The following PARP14 variants were observed in gnomAD, a reference collection of about 807,000 sequenced individuals.
PARP14 encodes poly(ADP-ribose) polymerase family member 14, also known as protein mono-ADP-ribosyltransferase PARP14.
PARP14 carries 59 observed loss-of-function variants against 154.2 expected under a neutral mutation model. The ratio of observed to expected loss-of-function variants is 0.38; its 90% CI spans 0.31 to 0.48. PARP14 has a LOEUF of 0.48. Among genes scored for constraint, PARP14 ranks in the 20% least tolerant of loss-of-function variants. The pLI is 0.98. For missense variants in PARP14, 1,734 were observed against 2,131.6 expected, an observed-to-expected ratio of 0.81 and a Z score of 3.67; for synonymous variants, 720 against 780.5, an observed-to-expected ratio of 0.92 and a Z score of 1.29.
Position 122,699,737 on chromosome 3 carries a change from A to G in PARP14, c.1183A>G (p.Arg395Gly). ...ADTSTTLSSI[R>G]SKYKVNPIKV... ...TACTTCCACAACACTCTCTAGCATC[A>G]GGTCTAAATATAAAGTCAACCCAAT... is the stretch of plus-strand genomic sequence containing the variant. Residue 395 changes from arginine to glycine, a missense_variant, in exon 6 of 17, where the codon AGG becomes GGG. This residue lies in a region of PARP14 where 1,646 missense variants were observed against 1,976.0 expected (regional missense o/e 0.83). Coordinates refer to ENST00000474629, the MANE Select transcript of PARP14 (RefSeq NM_017554.3). The G allele has an allele frequency of 6.2e-7, 1 of 1,613,956 alleles. No homozygotes were observed. The highest frequency in any genetic ancestry group is 8.5e-7 in the Non-Finnish European group (1 of 1,179,818).
chr3:122,728,080 T>A, intron 16 of PARP14, 94 bp downstream of exon 16: 2 of 1,168,960 alleles, frequency 1.7e-6, no homozygotes, highest in Non-Finnish European at 2.4e-6. Context: ...TGGTCCCCCA[T>A]CATTGGTGGC....
In PARP14 at chr3:122,687,115, T is replaced by TA; in HGVS notation, c.355+6dup. 6.3e-7 allele frequency: 1 copy of TA among 1,594,046 alleles called. No homozygotes were observed. Among genetic ancestry groups the TA allele is most frequent in the South Asian group, 1.1e-5 (1 of 88,302 alleles). ...CCAAAGAAGATGTTAAAGAACCAGGTAAAATCTCAGTTGAGATGACTCTGA... is the reference window on the plus strand; with the variant it reads ...CCAAAGAAGATGTTAAAGAACCAGGTAAAAATCTCAGTTGAGATGACTCTGA... On this transcript the variant is annotated splice_region_variant and intron_variant, in intron 3 of 16. Transcript: ENST00000474629.
In PARP14 at chr3:122,695,640, G is replaced by T; in HGVS notation, c.813G>T (p.Leu271=). 6.3e-7 allele frequency: 1 copy of T among 1,584,154 alleles called. No individual in the cohort carries two copies. Among genetic ancestry groups the T allele is most frequent in the South Asian group, 1.1e-5 (1 of 89,738 alleles). ...ATTTTCCTGAAGAGAGTTCAGCTCT[G>T]ATTGAATTTTTTGACAGAAAAGGTA... The part of the protein sequence containing the change: ...VEYFPEESSA[L]IEFFDRKVLD... Residue 271 remains leucine (L), a synonymous_variant, in exon 5 of 17, where the codon CTG becomes CTT. Transcript: ENST00000474629.
chr3:122,682,870 G>A (rs998601238), intron 1 of PARP14, among the ~76,000 whole-genome samples: 1 of 152,048 alleles, frequency 6.6e-6, no homozygotes, highest in Non-Finnish European at 1.5e-5. Context: ...TGAGCAACAT[G>A]GTGAAACCCT....
At chr3:122,690,308 C>T (rs1389699961) in intron 3 of PARP14, among the ~76,000 whole-genome samples, 2 of 152,170 alleles carry the variant, frequency 1.3e-5, no homozygotes, top group Admixed American at 6.5e-5. Context: ...CACATATAGC[C>T]TCCTCCCTAG....
intron 14 of PARP14, 50 bp downstream of exon 14, chr3:122,719,008 G>T (rs1298826461): frequency 1.4e-6 from 2 of 1,464,066 alleles, no homozygotes; most frequent in Non-Finnish European, 1.8e-6. Context: ...TCTACTTTGG[G>T]CATAACACTA....
chr3:122,720,191 G>A (rs573870281), intron 14 of PARP14, 64 bp from the exon 15 acceptor site: 1 of 1,497,900 alleles, frequency 6.7e-7, no homozygotes, highest in East Asian at 2.3e-5. Context: ...CAAGAACACA[G>A]ATACTAAATG....
In PARP14 at chr3:122,704,607, A is replaced by T. The variant is rs746112595; in HGVS notation, c.3399A>T (p.Gly1133=). 5 of 1,607,202 alleles carry T rather than the reference A, an allele frequency of 3.1e-6. No individual in the cohort carries two copies. Among genetic ancestry groups the T allele is most frequent in the Non-Finnish European group, 4.3e-6 (5 of 1,175,922 alleles). The change falls in exon 8 of 17, where the codon GGA becomes GGT. Residue 1133 remains glycine, a synonymous_variant. Coordinates refer to ENST00000474629, the MANE Select transcript of PARP14 (RefSeq NM_017554.3). Reference sequence around the variant, plus strand: ...AATCAATTGCATTTCCAGCAATAGGAACAGGAAACTTGGGATTTCCTAAAA... The same window carrying T: ...AATCAATTGCATTTCCAGCAATAGGTACAGGAAACTTGGGATTTCCTAAAA... ...SLKSIAFPAI[G]TGNLGFPKNI... is the part of the protein sequence containing the mutation.
At chr3:122,682,293 T>G (rs1172545260) in intron 1 of PARP14, among the ~76,000 whole-genome samples, 1 of 152,208 alleles carries the variant, frequency 6.6e-6, no homozygotes, top group East Asian at 1.9e-4. Flanking sequence ...GATCTGGCCC[T>G]TAAGGATGCT....
Position 122,730,028 on chromosome 3 carries a change from T to C in PARP14, c.*1431T>C, listed in dbSNP as rs941396468. ...AAACACCATCTATTGAGCACCTACA[T>C]TGTGTGCCAGGTAGTAAAATAGGTG... is the stretch of plus-strand genomic sequence containing the variant. On this transcript the variant is annotated 3_prime_UTR_variant, in exon 17 of 17. Coordinates refer to ENST00000474629, the MANE Select transcript of PARP14 (RefSeq NM_017554.3). The C allele has an allele frequency of 2.0e-5, 3 of 152,194 alleles. No homozygotes were observed. The highest frequency in any genetic ancestry group is 1.9e-4 in the East Asian group (1 of 5,200). 9.4% of individuals were successfully genotyped at this position (152,194 alleles called of 1,614,324 possible). A position where few individuals can be genotyped will look rare whatever the true frequency, so the allele number is the denominator to read the frequency against.
intron 9 of PARP14, among the ~76,000 whole-genome samples, chr3:122,711,411 C>A (rs1336432309): frequency 1.3e-5 from 2 of 152,098 alleles, no homozygotes; most frequent in Non-Finnish European, 2.9e-5. Flanking sequence ...ATATGTTAAA[C>A]CATCCCTGCA....
rs771894150 is a variant in PARP14 at position 122,700,329 on chromosome 3, T to C, written c.1775T>C (p.Met592Thr). ...GCCCTGTTAGAAGCAGAAAAGCAAA[T>C]GCTCAGTGCCTTAAATTATAAGCGC... ...SEALLEAEKQ[M>T]LSALNYKRIE... The change falls in exon 6 of 17, where the codon ATG becomes ACG. Residue 592 changes from methionine (M) to threonine (T), a missense_variant. Around this residue, in one of 2 missense-constraint regions of PARP14, gnomAD observed 1,646 missense variants for 1,976.0 expected, o/e 0.83. Coordinates refer to ENST00000474629, the MANE Select transcript of PARP14 (RefSeq NM_017554.3). 30 of 1,613,618 alleles carry C rather than the reference T, an allele frequency of 1.9e-5. No individual in the cohort carries two copies. Among genetic ancestry groups the C allele is most frequent in the Non-Finnish European group, 2.5e-5 (29 of 1,179,754 alleles).
At position 122,704,562 on chromosome 3, in the gene PARP14, C is replaced by T; in HGVS notation, c.3354C>T (p.Ile1118=). Residue 1118 remains isoleucine, a synonymous_variant, in exon 8 of 17, where the codon ATC becomes ATT. Transcript: ENST00000474629. ...ACATAATCAGAGAATGTATGGAGAT[C>T]ACTGAGAGCTTGTCCTTAAAATCAA... ...MEDIIRECME[I]TESLSLKSIA... is the part of the protein sequence containing the mutation. 1 of 1,606,918 alleles carries T rather than the reference C, an allele frequency of 6.2e-7. No individual in the cohort carries two copies. The highest frequency in any genetic ancestry group is 1.1e-5 in the South Asian group (1 of 89,524).
rs1242815179 is a variant in PARP14, at chr3:122,687,606, G to A, written c.355+493G>A. Among the ~76,000 whole-genome samples the A allele has an allele frequency of 3.9e-5, 6 of 152,304 alleles. No individual in the cohort carries two copies. In the East Asian group the frequency reaches 9.7e-4, roughly 25 times the overall value. ...TGCAGGATTGGATTGGAGGATTGCAGTCCTCCCAAAGACAGCAGCTCTTCT... is the reference window on the plus strand; with the variant it reads ...TGCAGGATTGGATTGGAGGATTGCAATCCTCCCAAAGACAGCAGCTCTTCT... On this transcript the variant is annotated intron_variant, in intron 3 of 16. Transcript: ENST00000474629.
In PARP14 at chr3:122,728,599, A is replaced by C. The variant is rs747855716; in HGVS notation, c.*2A>C. 201 of 1,602,592 alleles carry C rather than the reference A, an allele frequency of 1.3e-4. No individual in the cohort carries two copies. The South Asian group carries it at 2.0e-3, about 16-fold the overall frequency. On this transcript the variant is annotated 3_prime_UTR_variant, in exon 17 of 17. Transcript: ENST00000474629. The stretch of plus-strand genomic sequence containing the variant: ...TACCTTATTACGTTTAGAAAATAAC[A>C]CTTTGGTATCCTTCCCACAAAATTA...
In PARP14 at chr3:122,700,872, T is replaced by C. The variant is rs770097343; in HGVS notation, c.2318T>C (p.Ile773Thr). ...SEIKRLFGCY[I>T]ELQENEVMKE... ...ATCAAACGGTTGTTTGGTTGTTACATTGAACTACAGGAGAATGAAGTAATG... is the reference window on the plus strand; with the variant it reads ...ATCAAACGGTTGTTTGGTTGTTACACTGAACTACAGGAGAATGAAGTAATG... The change falls in exon 6 of 17, where the codon ATT becomes ACT. Residue 773 changes from isoleucine to threonine, a missense_variant. Ile to Thr is a moderately conservative substitution (Grantham distance 89, BLOSUM62 -1). Coordinates refer to ENST00000474629, the MANE Select transcript of PARP14 (RefSeq NM_017554.3). 1.4e-5 allele frequency: 22 copies of C among 1,613,876 alleles called. No homozygotes were observed. Among genetic ancestry groups the C allele is most frequent in the East Asian group, 2.2e-5 (1 of 44,890 alleles).
At chr3:122,714,866 C>T (rs952736476) in intron 12 of PARP14, among the ~76,000 whole-genome samples, 3 of 152,156 alleles carry the variant, frequency 2.0e-5, no homozygotes, top group African/African-American at 7.2e-5. Context: ...CTAGCTGATT[C>T]CCAGAGGAAT....
chr3:122,705,460 C>T (rs1939125578), intron 8 of PARP14, among the ~76,000 whole-genome samples: 1 of 152,164 alleles, frequency 6.6e-6, no homozygotes, highest in Non-Finnish European at 1.5e-5. Flanking sequence ...AGCACATTCC[C>T]ATGTAAATAG....
At chr3:122,705,891 T>C (rs1034366954) in intron 8 of PARP14, among the ~76,000 whole-genome samples, 2 of 152,250 alleles carry the variant, frequency 1.3e-5, no homozygotes, top group Admixed American at 6.5e-5. Context: ...GTTACTCTTC[T>C]GTGCAACAGA....
Sources: gnomAD v4.1 joint callset for allele counts (sites outside exome capture counted in the v4.1 genomes callset) on GRCh38, gnomAD v4.1.1 for gene constraint, gnomAD v4.1.1 regional missense constraint, MANE v1.5 for transcripts, NCBI Gene and HGNC (gene_info 2026-07-23, HGNC 2026-07-21) for gene names.